SDK1: variants seen among roughly 807,000 people sequenced by gnomAD.
SDK1 encodes the protein sidekick cell adhesion molecule 1.
A neutral mutation model predicts 245.5 loss-of-function variants in SDK1; 157 were observed. That is an observed-to-expected ratio of 0.64 (90% confidence interval 0.56 to 0.73). SDK1 has a LOEUF of 0.73. SDK1 is among the 30% of genes least tolerant of loss of function. The pLI is 0.00. For synonymous variants in SDK1, 1,647 were observed against 1,278.5 expected (o/e 1.29, Z -6.15); for missense variants, 3,583 against 3,002.3 (o/e 1.19, Z -4.52).
At chr7:3,599,469 T>A (rs1300482966) in intron 1 of SDK1, among the ~76,000 whole-genome samples, 1 of 152,220 alleles carries the variant, frequency 6.6e-6, no homozygotes, top group African/African-American at 2.4e-5. Flanking sequence ...AAGGTTTTAA[T>A]ATTGATAAGG....
At position 3,821,451 on chromosome 7, in the gene SDK1, G is replaced by A; in HGVS notation, c.715G>A (p.Ala239Thr). ...GHKIIPSNRI[A>T]ITLENQLVIL... The stretch of plus-strand genomic sequence containing the variant: ...CTGTCCTCTTCTTTTCTGAAACAGA[G>A]CCATCACATTGGAGAATCAGCTGGT... The change falls in exon 5 of 45, where the codon GCC becomes ACC. Residue 239 changes from alanine (A) to threonine (T), a missense_variant and splice_region_variant. Physicochemically the swap from Ala to Thr is moderately conservative, Grantham distance 58. Coordinates refer to ENST00000404826, the MANE Select transcript of SDK1 (RefSeq NM_152744.4). 1.2e-6 allele frequency: 2 copies of A among 1,612,946 alleles called. No homozygotes were observed. Among genetic ancestry groups the A allele is most frequent in the Non-Finnish European group, 1.7e-6 (2 of 1,179,552 alleles).
intron 5 of SDK1, among the ~76,000 whole-genome samples, chr7:3,853,270 C>T (rs1488046060): frequency 6.6e-6 from 1 of 152,048 alleles, no homozygotes; most frequent in Non-Finnish European, 1.5e-5. Flanking sequence ...GTTTGTAGTC[C>T]TAAGTGGATT....
chr7:4,157,462 G>A lies in SDK1; in HGVS notation c.4626-986G>A, dbSNP rs1158759615. Among the ~76,000 whole-genome samples, 11 of 100,220 alleles carry A rather than the reference G, an allele frequency of 1.1e-4. 1 individual carries two copies. In the South Asian group the frequency reaches 1.8e-3, roughly 17 times the overall value. The allele number at this position is 100,220 out of a possible 152,430, so 65.7% of individuals were successfully genotyped here. The stretch of plus-strand genomic sequence containing the variant: ...AAAAGGAGGGAAGGGAGGTGGAAGG[G>A]AGAGAAGGAAGGAGGGAAGGAAGGG... On this transcript the variant is annotated intron_variant, in intron 30 of 44. Transcript: ENST00000404826.
intron 5 of SDK1, among the ~76,000 whole-genome samples, chr7:3,941,361 C>T (rs1316980718): frequency 6.6e-6 from 1 of 152,122 alleles, no homozygotes; most frequent in African/African-American, 2.4e-5. Flanking sequence ...TCCTCCTTGA[C>T]GCCCTTGGCT....
In SDK1 at chr7:4,264,441, A is replaced by G. The variant is rs78825572; in HGVS notation, c.6382-683A>G. 3.1e-3 allele frequency among the ~76,000 whole-genome samples: 233 copies of G among 74,880 alleles called. 5 individuals are homozygous for G. Among genetic ancestry groups the G allele is most frequent in the Middle Eastern group, 8.9e-3 (1 of 112 alleles). The allele number at this position is 74,880 out of a possible 152,430, so 49.1% of individuals were successfully genotyped here. A position where few individuals can be genotyped will look rare whatever the true frequency, so the allele number is the denominator to read the frequency against. On this transcript the variant is annotated intron_variant, in intron 44 of 44. Transcript: ENST00000404826. ...CGCGTGGACCTCTCCTGGGGTAAGG[A>G]AGGCCGCGTGGACCTCTCCTGAGTG...
chr7:3,990,346 C>G (rs904563383), intron 14 of SDK1, among the ~76,000 whole-genome samples: 2 of 152,262 alleles, frequency 1.3e-5, no homozygotes, highest in Non-Finnish European at 2.9e-5. Context: ...CTCTGCAACT[C>G]CCACTCGGGC....
intron 1 of SDK1, among the ~76,000 whole-genome samples, chr7:3,433,870 T>G (rs1019606426): frequency 6.6e-6 from 1 of 152,210 alleles, no homozygotes; most frequent in Non-Finnish European, 1.5e-5. Context: ...CAGAAATATG[T>G]GTTTTAGACA....
intron 1 of SDK1, among the ~76,000 whole-genome samples, chr7:3,512,166 C>T (rs1782601973): frequency 6.6e-6 from 1 of 152,008 alleles, no homozygotes; most frequent in South Asian, 2.1e-4. Flanking sequence ...TTAACTGTCT[C>T]TGTAGTTTTG....
At chr7:3,832,203 G>A (rs1449917209) in intron 5 of SDK1, among the ~76,000 whole-genome samples, 2 of 152,144 alleles carry the variant, frequency 1.3e-5, no homozygotes, top group Non-Finnish European at 2.9e-5. Flanking sequence ...AGTTGATTAC[G>A]TGGGTTAGTT....
chr7:3,928,938 G>C (rs1051787779), intron 5 of SDK1, among the ~76,000 whole-genome samples: 1 of 152,234 alleles, frequency 6.6e-6, no homozygotes, highest in African/African-American at 2.4e-5. Flanking sequence ...CTGAACTGCA[G>C]CACAGCCCTG....
chr7:4,266,757 G>A lies in SDK1; in HGVS notation c.*1373G>A. 1 of 985,476 alleles carries A rather than the reference G, an allele frequency of 1.0e-6. No individual in the cohort carries two copies. The highest frequency in any genetic ancestry group is 1.2e-6 in the Non-Finnish European group (1 of 829,954). 61.0% of individuals were successfully genotyped at this position (985,476 alleles called of 1,614,324 possible). ...TCAGCCCGGGTCCCGGGTCTGGATG[G>A]AACGGGAGCACTGCTGGTGCCCACT... On this transcript the variant is annotated 3_prime_UTR_variant, in exon 45 of 45. Coordinates refer to ENST00000404826, the MANE Select transcript of SDK1 (RefSeq NM_152744.4).
intron 35 of SDK1, among the ~76,000 whole-genome samples, chr7:4,203,126 G>C (rs1783988625): frequency 6.6e-6 from 1 of 152,228 alleles, no homozygotes; most frequent in Admixed American, 6.5e-5. Flanking sequence ...TCCCGCAGAG[G>C]CAGGAGGCCA....
chr7:3,714,714 C>A (rs7779547), intron 4 of SDK1, among the ~76,000 whole-genome samples: 76,449 of 152,006 alleles, frequency 0.5, 21,138 homozygotes, highest in African/African-American at 0.74. Flanking sequence ...CTCAAAAGTG[C>A]TTCTAAAACA....
intron 1 of SDK1, among the ~76,000 whole-genome samples, chr7:3,478,226 G>C (rs956475231): frequency 6.6e-6 from 1 of 151,950 alleles, no homozygotes; most frequent in Non-Finnish European, 1.5e-5. Flanking sequence ...GGATTAATTT[G>C]GGAGTTATTT....
intron 44 of SDK1, among the ~76,000 whole-genome samples, chr7:4,251,383 C>T (rs1026891605): frequency 9.2e-5 from 14 of 152,206 alleles, no homozygotes; most frequent in East Asian, 5.8e-4. Context: ...ACCAGATTCA[C>T]GCTTCTAAGA....
At chr7:4,011,323 C>A (rs765354036) in intron 15 of SDK1, among the ~76,000 whole-genome samples, 1 of 152,254 alleles carries the variant, frequency 6.6e-6, no homozygotes, top group Admixed American at 6.5e-5. Context: ...TGCTTTGAGG[C>A]AGGTTCCTTG....
intron 1 of SDK1, among the ~76,000 whole-genome samples, chr7:3,471,227 A>G (rs963268714): frequency 3.9e-5 from 6 of 152,158 alleles, no homozygotes; most frequent in Admixed American, 6.5e-5. Flanking sequence ...CAAGTGTCCT[A>G]TTAATCCCTT....
rs544880556 is a variant in SDK1 at position 3,403,143 on chromosome 7, A to G, written c.298+101259A>G. On this transcript the variant is annotated intron_variant, in intron 1 of 44. Coordinates refer to ENST00000404826, the MANE Select transcript of SDK1 (RefSeq NM_152744.4). ...GAAACAGGGTTTCTCCGTGTTGATC[A>G]GGCTGGTCTTGAACTCCTGACCTCA... Among the ~76,000 whole-genome samples, 12 of 152,056 alleles carry G rather than the reference A, an allele frequency of 7.9e-5. No individual in the cohort carries two copies. The South Asian group carries it at 2.5e-3, about 32-fold the overall frequency.
At chr7:3,542,106 TTTAA>T (rs1779070055) in intron 1 of SDK1, among the ~76,000 whole-genome samples, 1 of 152,190 alleles carries the variant, frequency 6.6e-6, no homozygotes. Flanking sequence ...TGATTTAAAA[TTTAA>T]TTGTCGATAA....
Sources: gnomAD v4.1 joint callset for allele counts (sites outside exome capture counted in the v4.1 genomes callset) on GRCh38, gnomAD v4.1.1 for gene constraint, MANE v1.5 for transcripts, NCBI Gene and HGNC (gene_info 2026-07-23, HGNC 2026-07-21) for gene names.